Variants in RIMS1 observed in about 807,000 individuals in gnomAD.
RIMS1 encodes the protein regulating synaptic membrane exocytosis 1.
Under a neutral mutation model 214.1 loss-of-function variants are expected in RIMS1, and 83 were observed. The ratio of observed to expected loss-of-function variants is 0.39; its 90% CI spans 0.32 to 0.47. The LOEUF is 0.47. RIMS1 is among the 20% of genes least tolerant of loss of function. The pLI, the probability that RIMS1 is intolerant of heterozygous loss-of-function variation, is 0.99. For synonymous variants in RIMS1, 793 were observed against 786.8 expected (o/e 1.01, Z -0.13); for missense variants, 2,050 against 2,161.8 (o/e 0.95, Z 1.03).
rs1172133064 is a variant in RIMS1 at position 71,886,811 on chromosome 6, C to A, written c.-213C>A. 4.1e-5 allele frequency: 24 copies of A among 591,938 alleles called. No individual in the cohort carries two copies. The highest frequency in any genetic ancestry group is 7.1e-5 in the Non-Finnish European group (24 of 339,662). The allele number at this position is 591,938 out of a possible 1,614,324, so 36.7% of individuals were successfully genotyped here. ...AGGGCGACCAAAACAAAGGCAGCAT[C>A]CGGGGCTGGGTGGATGCAAACAACC... On this transcript the variant is annotated 5_prime_UTR_variant, in exon 1 of 34. Coordinates refer to ENST00000521978, the MANE Select transcript of RIMS1 (RefSeq NM_014989.7).
intron 26 of RIMS1, among the ~76,000 whole-genome samples, chr6:72,306,021 G>A (rs573271453): frequency 1.3e-5 from 2 of 152,132 alleles, no homozygotes; most frequent in East Asian, 1.9e-4. Flanking sequence ...TTTTTTTAAA[G>A]TGTGTGTTGG....
intron 2 of RIMS1, among the ~76,000 whole-genome samples, chr6:71,996,181 G>A (rs12524886): frequency 0.12 from 17,863 of 152,144 alleles, 1,246 homozygotes; most frequent in South Asian, 0.2. Flanking sequence ...GTATAGCCAC[G>A]CAAGAGGTTC....
intron 28 of RIMS1, among the ~76,000 whole-genome samples, chr6:72,316,435 A>G (rs184725485): frequency 4.6e-4 from 70 of 152,268 alleles, no homozygotes; most frequent in African/African-American, 1.6e-3. Flanking sequence ...GCTGGCCACA[A>G]CCACGCGTGG....
chr6:72,125,275 A>G (rs2039273084), intron 4 of RIMS1, among the ~76,000 whole-genome samples: 1 of 152,198 alleles, frequency 6.6e-6, no homozygotes, highest in Admixed American at 6.5e-5. Flanking sequence ...CTGGCAGTCC[A>G]TTCCAGACCC....
chr6:71,888,721 A>G (rs1768639385), intron 1 of RIMS1, among the ~76,000 whole-genome samples: 1 of 152,192 alleles, frequency 6.6e-6, no homozygotes, highest in South Asian at 2.1e-4. Context: ...CTGTTCTTTC[A>G]TTGTAGATTC....
intron 2 of RIMS1, among the ~76,000 whole-genome samples, chr6:72,015,163 G>T (rs1403887433): frequency 6.6e-6 from 1 of 152,094 alleles, no homozygotes; most frequent in Non-Finnish European, 1.5e-5. Context: ...ATAGCCTGAA[G>T]GTAATTTTAT....
At chr6:72,184,504 A>G (rs1240584185) in intron 6 of RIMS1, among the ~76,000 whole-genome samples, 1 of 152,244 alleles carries the variant, frequency 6.6e-6, no homozygotes, top group Admixed American at 6.5e-5. Flanking sequence ...ATGTGTATCT[A>G]TAGACTCTAA....
At chr6:72,031,563 C>T (rs1022169483) in intron 2 of RIMS1, among the ~76,000 whole-genome samples, 1 of 151,850 alleles carries the variant, frequency 6.6e-6, no homozygotes, top group Non-Finnish European at 1.5e-5. Flanking sequence ...AACTAAAATC[C>T]GGGGGAAATA....
chr6:72,246,109 A>T (rs1390377427), intron 11 of RIMS1, among the ~76,000 whole-genome samples: 1 of 152,142 alleles, frequency 6.6e-6, no homozygotes, highest in African/African-American at 2.4e-5. Flanking sequence ...CTTCAGCATC[A>T]TAACAGTCAG....
Position 72,255,420 on chromosome 6 carries a change from AC to A in RIMS1, c.2770+2589del, listed in dbSNP as rs538470332. On this transcript the variant is annotated intron_variant, in intron 16 of 33. Transcript: ENST00000521978. ...TACAAAATGTTCTACTACAGCCAAA[AC>A]TTAAACTTCCTAATGCCTTGGCTTT... is the stretch of plus-strand genomic sequence containing the variant. 1.3e-4 allele frequency among the ~76,000 whole-genome samples: 20 copies of A among 152,258 alleles called. No homozygotes were observed. The South Asian group carries it at 3.7e-3, about 28-fold the overall frequency.
intron 4 of RIMS1, among the ~76,000 whole-genome samples, chr6:72,166,613 C>T (rs2046299610): frequency 6.6e-6 from 1 of 151,974 alleles, no homozygotes; most frequent in African/African-American, 2.4e-5. Context: ...TAGTGGCTCA[C>T]ACCTGTAATC....
intron 6 of RIMS1, among the ~76,000 whole-genome samples, chr6:72,227,602 A>G (rs1272928165): frequency 1.3e-5 from 2 of 152,008 alleles, no homozygotes; most frequent in East Asian, 1.9e-4. Flanking sequence ...GCCTCTACCA[A>G]ATATGTTAAT....
At chr6:72,184,201 G>A (rs924400623) in intron 6 of RIMS1, among the ~76,000 whole-genome samples, 4 of 152,120 alleles carry the variant, frequency 2.6e-5, no homozygotes, top group Non-Finnish European at 5.9e-5. Context: ...AATACCATGA[G>A]ACCCATACAG....
rs774635328 is a variant in RIMS1, at chr6:72,398,243, T to C, written c.4619-6T>C. 1 of 1,578,284 alleles carries C rather than the reference T, an allele frequency of 6.3e-7. No homozygotes were observed. Among genetic ancestry groups the C allele is most frequent in the South Asian group, 1.1e-5 (1 of 87,632 alleles). ...TGAAACACATCTTGCTCCTTTCCATTTGCAGGTGATATACAAATAGGAATG... is the reference window on the plus strand; with the variant it reads ...TGAAACACATCTTGCTCCTTTCCATCTGCAGGTGATATACAAATAGGAATG... On this transcript the variant is annotated splice_polypyrimidine_tract_variant and splice_region_variant and intron_variant, in intron 31 of 33. Transcript: ENST00000521978.
chr6:71,942,909 T>C (rs1015801949), intron 1 of RIMS1, among the ~76,000 whole-genome samples: 4 of 152,038 alleles, frequency 2.6e-5, no homozygotes, highest in Non-Finnish European at 4.4e-5. Context: ...TTTATATAAA[T>C]ATTAAAACTA....
At chr6:71,998,421 A>G (rs1231229938) in intron 2 of RIMS1, among the ~76,000 whole-genome samples, 1 of 151,808 alleles carries the variant, frequency 6.6e-6, no homozygotes, top group Non-Finnish European at 1.5e-5. Context: ...ATTATTCCTT[A>G]TGTTGCTCAT....
chr6:72,322,610 A>G (rs1052763398), intron 28 of RIMS1, among the ~76,000 whole-genome samples: 2 of 152,112 alleles, frequency 1.3e-5, no homozygotes, highest in Non-Finnish European at 2.9e-5. Context: ...AATGAACAAC[A>G]ACAGCAAAAA....
rs577057346 is a variant in RIMS1, at chr6:71,998,533, C to T, written c.245+29470C>T. Among the ~76,000 whole-genome samples, 5 of 152,246 alleles carry T rather than the reference C, an allele frequency of 3.3e-5. No individual in the cohort carries two copies. In the East Asian group the frequency reaches 9.6e-4, roughly 29 times the overall value. On this transcript the variant is annotated intron_variant, in intron 2 of 33. Coordinates refer to ENST00000521978, the MANE Select transcript of RIMS1 (RefSeq NM_014989.7). The stretch of plus-strand genomic sequence containing the variant: ...GGGAACTTTAATCTCTTTCCCACTC[C>T]CTGTTCAATATTTAGAATAATGCCT...
intron 6 of RIMS1, among the ~76,000 whole-genome samples, chr6:72,196,369 G>GTTTGTCTATCTATCTATCTATCTA (rs2050878291): frequency 8.1e-6 from 1 of 122,962 alleles, no homozygotes; most frequent in African/African-American, 3.3e-5. Flanking sequence ...CTGTCTGTCT[G>GTTTGTCTATCTATCTATCTATCTA]TCTGTCTGTC....
Sources: allele counts gnomAD v4.1 joint callset (sites outside exome capture counted in the v4.1 genomes callset), GRCh38; gene constraint gnomAD v4.1.1; transcripts MANE v1.5; gene names NCBI Gene and HGNC (gene_info 2026-07-23, HGNC 2026-07-21).